Variants in MACF1 observed in about 807,000 individuals in gnomAD.
MACF1 encodes the protein microtubule actin crosslinking factor 1, also known as microtubule-actin cross-linking factor 1.
MACF1 carries 193 observed loss-of-function variants against 854.8 expected under a neutral mutation model. That is an observed-to-expected ratio of 0.23 (90% confidence interval 0.20 to 0.25). The LOEUF is 0.25. Among genes scored for constraint, MACF1 ranks in the 10% least tolerant of loss-of-function variants. The pLI is 1.00. For synonymous variants in MACF1, 3,185 were observed against 3,226.7 expected, an observed-to-expected ratio of 0.99 and a Z score of 0.44; for missense variants, 7,722 against 8,929.1, an observed-to-expected ratio of 0.86 and a Z score of 5.45.
upstream of MACF1, among the ~76,000 whole-genome samples, chr1:39,200,334 C>T (rs1252723475): frequency 6.6e-6 from 1 of 152,148 alleles, no homozygotes; most frequent in Non-Finnish European, 1.5e-5. Context: ...GCTTCCAGGA[C>T]TTAGTCCTTG....
chr1:39,161,568 T>C lies in MACF1; in HGVS notation c.221-69614T>C, dbSNP rs536916137. Among the ~76,000 whole-genome samples the C allele has an allele frequency of 2.0e-5, 3 of 151,554 alleles. No homozygotes were observed. In the East Asian group the frequency reaches 5.9e-4, roughly 30 times the overall value. On this transcript the variant is annotated intron_variant, in intron 2 of 93. Coordinates refer to the MACF1 transcript ENST00000361689. Reference sequence around the variant, plus strand: ...AACAAGCAAACAAACAAAAAAACAATACAAAAACTAGCCGGTGGCTGGGCA... The same window carrying C: ...AACAAGCAAACAAACAAAAAAACAACACAAAAACTAGCCGGTGGCTGGGCA...
At chr1:39,262,385 G>C in intron 6 of MACF1, among the ~76,000 whole-genome samples, 1 of 102,556 alleles carries the variant, frequency 9.8e-6, no homozygotes, top group East Asian at 3.1e-4. Flanking sequence ...TGGGCTACAC[G>C]AGACTCCATC....
At chr1:39,339,017 G>A (rs1432547373) in intron 38 of MACF1, among the ~76,000 whole-genome samples, 1 of 152,188 alleles carries the variant, frequency 6.6e-6, no homozygotes, top group African/African-American at 2.4e-5. Context: ...AGTGGCTCAT[G>A]CCTATAATCC....
At chr1:39,288,508 A>AG (rs1553216594) in intron 15 of MACF1, among the ~76,000 whole-genome samples, 4 of 151,118 alleles carry the variant, frequency 2.6e-5, no homozygotes, top group Admixed American at 6.6e-5. Flanking sequence ...AAAAAAAAAA[A>AG]AAAAGTACAG....
intron 79 of MACF1, 149 bp from the exon 80 acceptor site, chr1:39,444,513 A>G (rs1644185079): frequency 1.9e-6 from 1 of 534,892 alleles, no homozygotes; most frequent in Non-Finnish European, 3.2e-6. Flanking sequence ...TCATTCCCTT[A>G]TGGCTCAGCA....
At chr1:39,377,940 G>A (rs1649861480) in intron 52 of MACF1, among the ~76,000 whole-genome samples, 1 of 151,774 alleles carries the variant, frequency 6.6e-6, no homozygotes, top group South Asian at 2.1e-4. Flanking sequence ...GGAAGTGGAA[G>A]TTGCAGTGAG....
intron 2 of MACF1, among the ~76,000 whole-genome samples, chr1:39,114,559 C>T (rs1433040260): frequency 2.0e-5 from 3 of 151,934 alleles, no homozygotes; most frequent in Non-Finnish European, 4.4e-5. Context: ...CCATTGCACT[C>T]CAGCCTGGAT....
intron 2 of MACF1, among the ~76,000 whole-genome samples, chr1:39,160,891 G>A (rs1337331884): frequency 6.6e-6 from 1 of 152,118 alleles, no homozygotes; most frequent in Non-Finnish European, 1.5e-5. Flanking sequence ...ATTCCAGAAG[G>A]GCTGATGGAA....
At chr1:39,146,193 A>G (rs1300008582) in intron 2 of MACF1, among the ~76,000 whole-genome samples, 2 of 152,212 alleles carry the variant, frequency 1.3e-5, no homozygotes, top group Non-Finnish European at 2.9e-5. Flanking sequence ...CTATAATCCC[A>G]GCACTTAGGG....
chr1:39,372,133 G>C (rs1238157712), intron 51 of MACF1, among the ~76,000 whole-genome samples: 7 of 151,940 alleles, frequency 4.6e-5, no homozygotes, highest in Non-Finnish European at 1.0e-4. Context: ...TCTTAATTCA[G>C]AGCTTTCCTT....
intron 87 of MACF1, 74 bp downstream of exon 87, chr1:39,452,886 A>G: frequency 6.5e-7 from 1 of 1,538,222 alleles, no homozygotes; most frequent in Non-Finnish European, 8.8e-7. Context: ...AAATGAAAGC[A>G]ACTTTTTCTT....
At chr1:39,208,482 C>T (rs1345111426) in intron 1 of MACF1, among the ~76,000 whole-genome samples, 1 of 151,848 alleles carries the variant, frequency 6.6e-6, no homozygotes, top group Non-Finnish European at 1.5e-5. Context: ...GAAACCGAGT[C>T]TCACTTTGTC....
intron 17 of MACF1, among the ~76,000 whole-genome samples, chr1:39,293,187 T>G (rs1645831344): frequency 1.3e-5 from 2 of 152,294 alleles, no homozygotes; most frequent in South Asian, 4.1e-4. Context: ...TCATCCCTGT[T>G]TATCAAGATT....
chr1:39,447,689 C>T lies in MACF1; in HGVS notation c.19762-3C>T, dbSNP rs746607161. 6.2e-7 allele frequency: 1 copy of T among 1,614,134 alleles called. No individual in the cohort carries two copies. The highest frequency in any genetic ancestry group is 8.5e-7 in the Non-Finnish European group (1 of 1,180,002). On this transcript the variant is annotated splice_region_variant and splice_polypyrimidine_tract_variant and intron_variant, in intron 81 of 100. Coordinates refer to ENST00000564288, the MANE Select transcript of MACF1 (RefSeq NM_001394062.1). ...CTAAAAAAGAGCACTATTGTTCCCT[C>T]AGGTTTTTGCTAATGAAGTAAATGC...
At chr1:39,420,090 C>T (rs1201808635) in intron 58 of MACF1, among the ~76,000 whole-genome samples, 1 of 152,120 alleles carries the variant, frequency 6.6e-6, no homozygotes, top group Admixed American at 6.6e-5. Flanking sequence ...CTATGTGAAA[C>T]GTGGCTAGTG....
chr1:39,340,937 G>T lies in MACF1; in HGVS notation c.10565G>T (p.Cys3522Phe), dbSNP rs760458294. ...ATAGATGTTGACAGCCTGAACCTCT[G>T]CCTCCAACAGTATGAGGTAAACTCA... is the stretch of plus-strand genomic sequence containing the variant. ...SEIDVDSLNL[C>F]LQQYEDLKQP... The change falls in exon 40 of 101, where the codon TGC becomes TTC. Residue 3522 changes from cysteine to phenylalanine, a missense_variant. By Grantham distance (205) the Cys-to-Phe change is radical. Around this residue, in one of 15 missense-constraint regions of MACF1, gnomAD observed 854 missense variants for 852.6 expected, o/e 1.00. Transcript: ENST00000564288. The T allele has an allele frequency of 1.9e-6, 3 of 1,607,858 alleles. No individual in the cohort carries two copies. Among genetic ancestry groups the T allele is most frequent in the Non-Finnish European group, 2.5e-6 (3 of 1,177,984 alleles).
intron 97 of MACF1, among the ~76,000 whole-genome samples, chr1:39,474,128 C>G (rs1182571924): frequency 1.3e-5 from 2 of 152,042 alleles, no homozygotes; most frequent in Non-Finnish European, 2.9e-5. Context: ...GCAGCTCATG[C>G]CTGTAATCCC....
chr1:39,292,687 A>G, intron 16 of MACF1, 79 bp from the exon 17 acceptor site: 1 of 988,402 alleles, frequency 1.0e-6, no homozygotes, highest in Non-Finnish European at 1.5e-6. Flanking sequence ...TAGACATAAT[A>G]TTTGCATAGT....
intron 14 of MACF1, among the ~76,000 whole-genome samples, chr1:39,286,261 G>A (rs1645638952): frequency 6.6e-6 from 1 of 151,970 alleles, no homozygotes; most frequent in Non-Finnish European, 1.5e-5. Context: ...CGATCCTCCT[G>A]CCTCAGCCTC....
Sources: gnomAD v4.1 joint callset for allele counts (sites outside exome capture counted in the v4.1 genomes callset) on GRCh38, gnomAD v4.1.1 for gene constraint, gnomAD v4.1.1 regional missense constraint, MANE v1.5 for transcripts, NCBI Gene and HGNC (gene_info 2026-07-23, HGNC 2026-07-21) for gene names.